Variants in MED12L observed in about 807,000 individuals in gnomAD.
The protein encoded by MED12L is mediator of RNA polymerase II transcription subunit 12-like protein.
A neutral mutation model predicts 281.3 loss-of-function variants in MED12L; 60 were observed. That is an observed-to-expected ratio of 0.21 (90% CI 0.17 to 0.26). The LOEUF is 0.26. Ranked by LOEUF, MED12L falls within the 10% of genes least tolerant of loss-of-function variation. MED12L has a pLI of 1.00. For missense variants in MED12L, 2,146 were observed against 2,680.9 expected (o/e 0.80, Z 4.41); for synonymous variants, 974 against 987.2 (o/e 0.99, Z 0.25).
At chr3:151,117,460 C>T (rs1333576760) in intron 3 of MED12L, among the ~76,000 whole-genome samples, 1 of 152,128 alleles carries the variant, frequency 6.6e-6, no homozygotes, top group African/African-American at 2.4e-5. Context: ...ATTTTTTCTA[C>T]CTACCTATCA....
chr3:151,376,224 A>G lies in MED12L; in HGVS notation c.4053+10A>G. Reference sequence around the variant, plus strand: ...TAAGCGTATTCTTCAGGTCAGTCGTATACAGATTGTGTTTCTGTCATTTGA... The same window carrying G: ...TAAGCGTATTCTTCAGGTCAGTCGTGTACAGATTGTGTTTCTGTCATTTGA... On this transcript the variant is annotated intron_variant, in intron 28 of 44. Coordinates refer to ENST00000687756, the MANE Select transcript of MED12L (RefSeq NM_001393769.1). 1 of 1,447,924 alleles carries G rather than the reference A, an allele frequency of 6.9e-7. No individual in the cohort carries two copies. Among genetic ancestry groups the G allele is most frequent in the East Asian group, 2.6e-5 (1 of 38,954 alleles). The allele number at this position is 1,447,924 out of a possible 1,614,324, so 89.7% of individuals were successfully genotyped here.
At chr3:151,409,817 T>C (rs1019234627) in intron 40 of MED12L, among the ~76,000 whole-genome samples, 1 of 151,984 alleles carries the variant, frequency 6.6e-6, no homozygotes, top group Non-Finnish European at 1.5e-5. Context: ...AATTAAAAAA[T>C]TAGCCAGGCG....
At chr3:151,164,293 TATG>T (rs1208729654) in intron 9 of MED12L, among the ~76,000 whole-genome samples, 1 of 152,244 alleles carries the variant, frequency 6.6e-6, no homozygotes, top group Non-Finnish European at 1.5e-5. Flanking sequence ...AGACTGTAAT[TATG>T]GTGGTGGTTC....
intron 38 of MED12L, among the ~76,000 whole-genome samples, chr3:151,391,584 C>CA (rs1352535118): frequency 1.3e-5 from 2 of 150,160 alleles, no homozygotes; most frequent in African/African-American, 4.9e-5. Flanking sequence ...CGATCAACTA[C>CA]AAAAAAAAAG....
At chr3:151,414,761 A>G (rs577085714) in intron 42 of MED12L, among the ~76,000 whole-genome samples, 3 of 152,308 alleles carry the variant, frequency 2.0e-5, no homozygotes, top group African/African-American at 7.2e-5. Flanking sequence ...GTAACCGATT[A>G]GGAGAGTATG....
At chr3:151,145,283 G>A (rs1438351930) in intron 5 of MED12L, among the ~76,000 whole-genome samples, 1 of 152,050 alleles carries the variant, frequency 6.6e-6, no homozygotes, top group East Asian at 1.9e-4. Context: ...TGCACAGCGA[G>A]TGCACTACCA....
chr3:151,155,701 T>A (rs1459189791), intron 5 of MED12L, among the ~76,000 whole-genome samples: 1 of 152,156 alleles, frequency 6.6e-6, no homozygotes, highest in Non-Finnish European at 1.5e-5. Flanking sequence ...GCCTGAAAAA[T>A]GGATCCTAAG....
At chr3:151,426,937 C>T (rs1482934840) in intron 43 of MED12L, among the ~76,000 whole-genome samples, 2 of 151,908 alleles carry the variant, frequency 1.3e-5, no homozygotes, top group Admixed American at 6.6e-5. Context: ...CCCACATCAG[C>T]CTCCTAAATA....
chr3:151,304,848 G>A (rs945602875), intron 16 of MED12L, among the ~76,000 whole-genome samples: 1 of 152,076 alleles, frequency 6.6e-6, no homozygotes, highest in Non-Finnish European at 1.5e-5. Flanking sequence ...AGCTGAAGTC[G>A]TTTTAGTTCC....
rs543739085 is a variant in MED12L at position 151,230,994 on chromosome 3, G to A, written c.2250+37328G>A. On this transcript the variant is annotated intron_variant, in intron 16 of 44. Transcript: ENST00000687756. ...CAGAAAGCAAGGAAGTGCTCAGACC[G>A]ATTAGGAAATGCTAAAAAAGGACAC... 2.2e-4 allele frequency among the ~76,000 whole-genome samples: 33 copies of A among 152,282 alleles called. 1 individual carries two copies. The South Asian group carries it at 2.5e-3, about 11-fold the overall frequency.
At chr3:151,205,980 G>C (rs1310103621) in intron 16 of MED12L, among the ~76,000 whole-genome samples, 2 of 151,760 alleles carry the variant, frequency 1.3e-5, no homozygotes, top group African/African-American at 4.8e-5. Flanking sequence ...AGATTTTTAT[G>C]ATCAGTCACT....
chr3:151,133,704 G>A (rs182132778), intron 5 of MED12L, among the ~76,000 whole-genome samples: 9 of 152,150 alleles, frequency 5.9e-5, no homozygotes, highest in Non-Finnish European at 1.2e-4. Flanking sequence ...ATGCATGTTC[G>A]GTTTCAGATA....
intron 3 of MED12L, among the ~76,000 whole-genome samples, chr3:151,121,971 C>T (rs1371499445): frequency 6.6e-6 from 1 of 152,054 alleles, no homozygotes; most frequent in Admixed American, 6.6e-5. Flanking sequence ...GCCTTGGCTT[C>T]CCAAAGTGCC....
chr3:151,299,356 C>CT (rs762843885), intron 16 of MED12L, among the ~76,000 whole-genome samples: 30 of 94,412 alleles, frequency 3.2e-4, no homozygotes, highest in South Asian at 9.1e-4. Flanking sequence ...TTCCTTCCTT[C>CT]TTTCTTTTCT....
intron 2 of MED12L, among the ~76,000 whole-genome samples, chr3:151,109,319 A>G (rs1711519007): frequency 6.6e-6 from 1 of 152,174 alleles, no homozygotes; most frequent in Non-Finnish European, 1.5e-5. Context: ...GGCCTCCCAA[A>G]GTGCGTGAGC....
intron 11 of MED12L, among the ~76,000 whole-genome samples, chr3:151,177,242 G>A (rs1722156418): frequency 6.6e-6 from 1 of 152,192 alleles, no homozygotes; most frequent in Non-Finnish European, 1.5e-5. Flanking sequence ...CCTGGGCCTT[G>A]TGAGCCACTC....
At chr3:151,167,744 G>C (rs1249457886) in intron 11 of MED12L, among the ~76,000 whole-genome samples, 1 of 152,186 alleles carries the variant, frequency 6.6e-6, no homozygotes, top group African/African-American at 2.4e-5. Flanking sequence ...AGGCAAGTTA[G>C]AGTGCTACGT....
At chr3:151,247,825 A>T (rs1221971814) in intron 16 of MED12L, among the ~76,000 whole-genome samples, 1 of 151,900 alleles carries the variant, frequency 6.6e-6, no homozygotes, top group East Asian at 1.9e-4. Context: ...CCATTTAGAG[A>T]GTCATTTGTT....
At position 151,355,878 on chromosome 3, in the gene MED12L, T is replaced by C. The variant is rs1341362005; in HGVS notation, c.2518-18T>C. 4.4e-6 allele frequency: 7 copies of C among 1,594,248 alleles called. No individual in the cohort carries two copies. The highest frequency in any genetic ancestry group is 6.0e-6 in the Non-Finnish European group (7 of 1,172,496). ...TTAGAATATTGGTCTTACAATATTT[T>C]TGTTTTTATTTGCACAGATTTCTAA... On this transcript the variant is annotated intron_variant, in intron 18 of 44. Transcript: ENST00000687756.
Sources: gnomAD v4.1 joint callset for allele counts (sites outside exome capture counted in the v4.1 genomes callset) on GRCh38, gnomAD v4.1.1 for gene constraint, MANE v1.5 for transcripts, NCBI Gene and HGNC (gene_info 2026-07-23, HGNC 2026-07-21) for gene names.